The following A2M variants were observed in gnomAD, a reference collection of about 807,000 sequenced individuals.
The protein encoded by A2M is C3 and PZP-like alpha-2-macroglobulin domain-containing protein 5.
A2M carries 128 observed loss-of-function variants against 183.9 expected under a neutral mutation model. The ratio of observed to expected loss-of-function variants is 0.70; its 90% CI spans 0.60 to 0.81. The LOEUF (loss-of-function observed/expected upper bound fraction) is 0.81, where lower values mean the gene tolerates loss of function less well. Ranked by LOEUF, A2M falls within the 30% of genes least tolerant of loss-of-function variation. The probability of loss-of-function intolerance (pLI) is 0.00; values close to 1 mark genes in which losing one functional copy is unlikely to be tolerated. For synonymous variants in A2M, 592 were observed against 670.8 expected, an observed-to-expected ratio of 0.88 and a Z score of 1.81; for missense variants, 1,495 against 1,787.6, an observed-to-expected ratio of 0.84 and a Z score of 2.95.
rs777212761 is a variant in A2M at position 9,112,482 on chromosome 12, C to A, written c.325G>T (p.Gly109Ter). ...CGCTTCTTAAATTCTTGGGTTGGTCCTTTCACTTGGACAGTGAGGAACATT... is the reference window on the plus strand; with the variant it reads ...CGCTTCTTAAATTCTTGGGTTGGTCATTTCACTTGGACAGTGAGGAACATT... ...EVMFLTVQVK[G>*]PTQEFKKRTT... The change falls in exon 3 of 36, where the codon GGA becomes TGA. Residue 109 changes from glycine to a stop codon, truncating the protein, a stop_gained. Coordinates refer to ENST00000318602, the MANE Select transcript of A2M (RefSeq NM_000014.6). LOFTEE classifies it high-confidence loss of function. 1 of 1,613,694 alleles carries A rather than the reference C, an allele frequency of 6.2e-7. No individual in the cohort carries two copies. The highest frequency in any genetic ancestry group is 1.7e-5 in the Admixed American group (1 of 59,960).
chr12:9,097,632 CTTTT>C (rs34844537), intron 15 of A2M, among the ~76,000 whole-genome samples: 16 of 127,086 alleles, frequency 1.3e-4, no homozygotes, highest in Admixed American at 1.6e-4. Flanking sequence ...TGATGTAATT[CTTTT>C]TTTTTTTTTT....
chr12:9,107,774 C>T, intron 7 of A2M, 130 bp from the exon 8 acceptor site: 1 of 1,024,234 alleles, frequency 9.8e-7, no homozygotes, highest in Non-Finnish European at 1.4e-6. Flanking sequence ...GCTGGGCTCA[C>T]ACAATATTGA....
At chr12:9,103,891 T>G (rs1938082821) in intron 11 of A2M, among the ~76,000 whole-genome samples, 1 of 152,232 alleles carries the variant, frequency 6.6e-6, no homozygotes, top group Admixed American at 6.5e-5. Flanking sequence ...CAAATAGCTC[T>G]TTGAGACCCC....
At chr12:9,072,019 A>G (rs1948594455) in intron 31 of A2M, among the ~76,000 whole-genome samples, 2 of 152,202 alleles carry the variant, frequency 1.3e-5, no homozygotes, top group Admixed American at 6.5e-5. Flanking sequence ...CTTCTATTCA[A>G]ACTTTTCAAT....
At position 9,089,824 on chromosome 12, in the gene A2M, TA is replaced by T. The variant is rs574877925; in HGVS notation, c.2718+77del. 6 of 966,888 alleles carry T rather than the reference TA, an allele frequency of 6.2e-6. 1 individual carries two copies. The South Asian group carries it at 1.5e-4, about 24-fold the overall frequency. 59.9% of individuals were successfully genotyped at this position (966,888 alleles called of 1,614,324 possible). A position where few individuals can be genotyped will look rare whatever the true frequency, so the allele number is the denominator to read the frequency against. The stretch of plus-strand genomic sequence containing the variant: ...AGAGAGATACATGAGAATAATATTA[TA>T]AAATATCCATATATTATTATATTAC... On this transcript the variant is annotated intron_variant, in intron 21 of 35. Transcript: ENST00000318602.
At chr12:9,081,109 A>G (rs1214675960) in intron 22 of A2M, among the ~76,000 whole-genome samples, 1 of 152,224 alleles carries the variant, frequency 6.6e-6, no homozygotes, top group Admixed American at 6.5e-5. Context: ...ACCAAGTGAA[A>G]GAAAATATCT....
chr12:9,091,748 C>G lies in A2M; in HGVS notation c.2241-319G>C, dbSNP rs185614809. On this transcript the variant is annotated intron_variant, in intron 18 of 35. Coordinates refer to ENST00000318602, the MANE Select transcript of A2M (RefSeq NM_000014.6). ...GAGGGCTGCTTTATAATTTTAAATT[C>G]TACTACTATTGTGTATAGTGGGCCT... 2.6e-5 allele frequency among the ~76,000 whole-genome samples: 4 copies of G among 152,274 alleles called. No homozygotes were observed. The East Asian group carries it at 7.7e-4, about 29-fold the overall frequency.
At position 9,079,280 on chromosome 12, in the gene A2M, A is replaced by C. The variant is rs779523142; in HGVS notation, c.3083T>G (p.Phe1028Cys). The C allele has an allele frequency of 6.2e-7, 1 of 1,613,726 alleles. No homozygotes were observed. The highest frequency in any genetic ancestry group is 1.1e-5 in the South Asian group (1 of 91,052). The change falls in exon 25 of 36, where the codon TTT becomes TGT. Residue 1028 changes from phenylalanine to cysteine, a missense_variant. Phe to Cys is a radical substitution (Grantham distance 205, BLOSUM62 -2). Coordinates refer to ENST00000318602, the MANE Select transcript of A2M (RefSeq NM_000014.6). ...YKHYDGSYST[F>C]GERYGRNQGN... ...CTGGTTCCTGCCATATCGCTCCCCA[A>C]AGGTGCTGTAGGAGCCATCATAGTG... is the stretch of plus-strand genomic sequence containing the variant.
In A2M at chr12:9,072,621, C is replaced by G. The variant is rs763703206; in HGVS notation, c.3975+32G>C. The stretch of plus-strand genomic sequence containing the variant: ...CAGAGAGAACAGCTGCTGTCCTCAT[C>G]TGTCCTGTCCTCACCTGCCCAAGAG... On this transcript the variant is annotated intron_variant, in intron 30 of 35. Coordinates refer to ENST00000318602, the MANE Select transcript of A2M (RefSeq NM_000014.6). 5.0e-6 allele frequency: 8 copies of G among 1,609,088 alleles called. No homozygotes were observed. The East Asian group carries it at 1.6e-4, about 31-fold the overall frequency.
chr12:9,115,743 C>T (rs755478251), intron 1 of A2M, 21 bp downstream of exon 1: 7 of 1,589,056 alleles, frequency 4.4e-6, no homozygotes, highest in South Asian at 3.3e-5. Flanking sequence ...TCATGCTTCA[C>T]GCTCTCTGTG....
intron 31 of A2M, 25 bp downstream of exon 31, chr12:9,072,334 A>C (rs1323404520): frequency 6.2e-7 from 1 of 1,611,630 alleles, no homozygotes; most frequent in African/African-American, 1.3e-5. Flanking sequence ...TCTTAGGATT[A>C]GGTGATAGAG....
chr12:9,068,112 A>T, intron 35 of A2M, 71 bp downstream of exon 35: 1 of 1,516,930 alleles, frequency 6.6e-7, no homozygotes, highest in Non-Finnish European at 9.0e-7. Flanking sequence ...CCAGCGTTTT[A>T]TGAAGGAGAA....
At chr12:9,082,311 C>G (rs1282699404) in intron 22 of A2M, among the ~76,000 whole-genome samples, 1 of 152,204 alleles carries the variant, frequency 6.6e-6, no homozygotes, top group Non-Finnish European at 1.5e-5. Context: ...CAGAATCATC[C>G]AGCCAGGCAA....
chr12:9,105,252 A>G (rs1178033029), intron 10 of A2M, among the ~76,000 whole-genome samples: 2 of 152,230 alleles, frequency 1.3e-5, no homozygotes, highest in Non-Finnish European at 2.9e-5. Flanking sequence ...TGTTGGCTGC[A>G]TGTACAAAGA....
chr12:9,092,689 G>A (rs1949249965), intron 18 of A2M, among the ~76,000 whole-genome samples: 1 of 152,146 alleles, frequency 6.6e-6, no homozygotes, highest in African/African-American at 2.4e-5. Flanking sequence ...CAGCCATTAT[G>A]GAAAACAGTA....
At chr12:9,107,704 C>T (rs1325366470) in intron 7 of A2M, 60 bp from the exon 8 acceptor site, 1 of 1,585,958 alleles carries the variant, frequency 6.3e-7, no homozygotes, top group African/African-American at 1.4e-5. Flanking sequence ...CATTTTCTAG[C>T]TATTTATATC....
intron 15 of A2M, among the ~76,000 whole-genome samples, chr12:9,096,069 T>G (rs548440108): frequency 2.0e-5 from 3 of 152,196 alleles, no homozygotes; most frequent in Non-Finnish European, 4.4e-5. Context: ...TTTGTGACAT[T>G]TTTTAAGTTC....
rs772537055 is a variant in A2M at position 9,072,491 on chromosome 12, A to G, written c.3976-5T>C. The stretch of plus-strand genomic sequence containing the variant: ...AATATTGTATTTCAAGGATGTCTAT[A>G]GAACATCAAAGACAAAATCAGTTTT... On this transcript the variant is annotated splice_region_variant and splice_polypyrimidine_tract_variant and intron_variant, in intron 30 of 35. Transcript: ENST00000318602. The G allele has an allele frequency of 1.2e-6, 2 of 1,607,882 alleles. No homozygotes were observed. Among genetic ancestry groups the G allele is most frequent in the South Asian group, 2.2e-5 (2 of 89,872 alleles).
rs1949156431 is a variant in A2M, at chr12:9,089,887, T to G, written c.2718+15A>C. Reference sequence around the variant, plus strand: ...ATATATTATTGTGGACTATATATTATTTAGGTTTACTTACTTCAACCAACA... The same window carrying G: ...ATATATTATTGTGGACTATATATTAGTTAGGTTTACTTACTTCAACCAACA... On this transcript the variant is annotated intron_variant, in intron 21 of 35. Transcript: ENST00000318602. 1 of 1,597,004 alleles carries G rather than the reference T, an allele frequency of 6.3e-7. No homozygotes were observed. Among genetic ancestry groups the G allele is most frequent in the Non-Finnish European group, 8.6e-7 (1 of 1,167,886 alleles).
Sources: gnomAD v4.1 joint callset for allele counts (sites outside exome capture counted in the v4.1 genomes callset) on GRCh38, gnomAD v4.1.1 for gene constraint, MANE v1.5 for transcripts, NCBI Gene and HGNC (gene_info 2026-07-23, HGNC 2026-07-21) for gene names.